Variants in MAPK6 observed in about 807,000 individuals in gnomAD.
MAPK6 encodes the protein ERK-3.
A neutral mutation model predicts 59.3 loss-of-function variants in MAPK6; 19 were observed. That is an observed-to-expected ratio of 0.32 (90% CI 0.22 to 0.47). MAPK6 has a LOEUF of 0.47. Ranked by LOEUF, MAPK6 falls within the 20% of genes least tolerant of loss-of-function variation. The pLI is 1.00. For synonymous variants in MAPK6, 316 were observed against 290.3 expected (o/e 1.09, Z -0.90); for missense variants, 724 against 847.9 (o/e 0.85, Z 1.81).
chr15:52,064,672 T>G lies in MAPK6; in HGVS notation c.1838T>G (p.Val613Gly). The G allele has an allele frequency of 1.2e-6, 2 of 1,611,722 alleles. No homozygotes were observed. The highest frequency in any genetic ancestry group is 1.7e-6 in the Non-Finnish European group (2 of 1,179,742). Residue 613 changes from valine to glycine, a missense_variant, in exon 6 of 6, where the codon GTA (valine) becomes GGA (glycine). Transcript: ENST00000261845. ...TTTTTCATAAATCAGTTTTGTGAGG[T>G]AAGGAAGGATGAACAAGTTGAGAAG... ...DCFFINQFCE[V>G]RKDEQVEKEN...
intron 1 of MAPK6, among the ~76,000 whole-genome samples, chr15:52,041,096 C>T (rs1184874971): frequency 6.6e-6 from 1 of 152,184 alleles, no homozygotes; most frequent in South Asian, 2.1e-4. Context: ...TTTATGTTAC[C>T]TTCCTTTTTA....
chr15:51,984,719 TGCTAATTTCATG>T (rs1405665186), intron 2 of MAPK6, among the ~76,000 whole-genome samples: 1 of 152,010 alleles, frequency 6.6e-6, no homozygotes, highest in Non-Finnish European at 1.5e-5. Context: ...ATGTGGTGTT[TGCTAATTTCATG>T]GTGCAAATAT....
intron 1 of MAPK6, among the ~76,000 whole-genome samples, chr15:51,981,871 A>G (rs898480949): frequency 6.6e-6 from 1 of 152,176 alleles, no homozygotes; most frequent in African/African-American, 2.4e-5. Context: ...ATATCAAAGA[A>G]ACTGAAAATG....
intron 1 of MAPK6, among the ~76,000 whole-genome samples, chr15:52,030,300 G>C (rs184758559): frequency 6.6e-6 from 1 of 152,112 alleles, no homozygotes; most frequent in African/African-American, 2.4e-5. Flanking sequence ...CGAGCTCTTC[G>C]GAAGCAGAAG....
intron 3 of MAPK6, among the ~76,000 whole-genome samples, chr15:52,056,277 C>T (rs187394853): frequency 2.6e-5 from 4 of 152,332 alleles, no homozygotes; most frequent in East Asian, 3.9e-4. Context: ...ACTTCTATCT[C>T]TTGCATCTTC....
Position 52,066,636 on chromosome 15 carries a change from C to T in MAPK6, c.*1636C>T, listed in dbSNP as rs939397851. The T allele has an allele frequency of 6.6e-6, 1 of 152,034 alleles. No individual in the cohort carries two copies. The highest frequency in any genetic ancestry group is 2.4e-5 in the African/African-American group (1 of 41,406). The allele number at this position is 152,034 out of a possible 1,614,324, so 9.4% of individuals were successfully genotyped here. Reference sequence around the variant, plus strand: ...AATATCTGCCCACCTACCTTCTCAACAACTCCATCCTCTTCACCTCACTTT... The same window carrying T: ...AATATCTGCCCACCTACCTTCTCAATAACTCCATCCTCTTCACCTCACTTT... On this transcript the variant is annotated 3_prime_UTR_variant, in exon 6 of 6. Transcript: ENST00000261845.
At chr15:51,973,406 A>G (rs1486617257) in intron 1 of MAPK6, among the ~76,000 whole-genome samples, 1 of 151,930 alleles carries the variant, frequency 6.6e-6, no homozygotes, top group Non-Finnish European at 1.5e-5. Flanking sequence ...CAGTGGCGCC[A>G]TCATAGCTCA....
intron 1 of MAPK6, among the ~76,000 whole-genome samples, chr15:51,979,775 C>T (rs1343181887): frequency 6.6e-6 from 1 of 151,594 alleles, no homozygotes; most frequent in East Asian, 1.9e-4. Context: ...GCCTGGGTGA[C>T]AAAGTGAGAC....
chr15:52,025,066 C>T (rs569455826), intron 1 of MAPK6, among the ~76,000 whole-genome samples: 3 of 151,846 alleles, frequency 2.0e-5, no homozygotes, highest in African/African-American at 7.3e-5. Context: ...CATAGTGAGA[C>T]CCTGTCTCTA....
At chr15:52,007,166 G>C (rs2029909736) in intron 3 of MAPK6, among the ~76,000 whole-genome samples, 1 of 152,132 alleles carries the variant, frequency 6.6e-6, no homozygotes, top group Non-Finnish European at 1.5e-5. Flanking sequence ...ATTATAGGAA[G>C]TGCTGCTCCC....
At chr15:52,055,510 G>GGTTTTTTT (rs1224048179) in intron 3 of MAPK6, among the ~76,000 whole-genome samples, 1 of 151,992 alleles carries the variant, frequency 6.6e-6, no homozygotes, top group Non-Finnish European at 1.5e-5. Context: ...TTATACAAAG[G>GGTTTTTTT]GTTTTTTTGT....
In MAPK6 at chr15:52,009,436, G is replaced by T. The variant is rs1403853728; in HGVS notation, c.-632+5034G>T. Reference sequence around the variant, plus strand: ...CAGAATGCAAATAAGAAAACCTTTGGACTAAATTTCCCTGAAGCCAGAAAG... The same window carrying T: ...CAGAATGCAAATAAGAAAACCTTTGTACTAAATTTCCCTGAAGCCAGAAAG... On this transcript the variant is annotated intron_variant, in intron 3 of 7. Transcript: ENST00000691380. 3.3e-5 allele frequency among the ~76,000 whole-genome samples: 5 copies of T among 152,166 alleles called. No homozygotes were observed. The East Asian group carries it at 9.6e-4, about 29-fold the overall frequency.
rs1426770347 is a variant in MAPK6 at position 51,974,681 on chromosome 15, A to AAAAG, written c.-880+2775_-880+2776insAAAG. On this transcript the variant is annotated intron_variant, in intron 1 of 7. Transcript: ENST00000691380. ...CTCAAAAAAAAAAAAAAAAAAAAAA[A>AAAAG]GATGATCTTGACATTTGTTCCTAGG... Among the ~76,000 whole-genome samples the AAAAG allele has an allele frequency of 4.1e-4, 52 of 126,920 alleles. 5 individuals are homozygous for AAAAG. Among genetic ancestry groups the AAAAG allele is most frequent in the African/African-American group, 1.3e-3 (43 of 33,854 alleles). The allele number at this position is 126,920 out of a possible 152,430, so 83.3% of individuals were successfully genotyped here. A position where few individuals can be genotyped will look rare whatever the true frequency, so the allele number is the denominator to read the frequency against.
rs2032395973 is a variant in MAPK6, at chr15:52,065,739, AAT to A, written c.*743_*744del. ...ACTTAGTTTTTAAAATTTATTTGCA[AAT>A]ATACTTTACTTTTTCCATTTGGCAC... is the stretch of plus-strand genomic sequence containing the variant. On this transcript the variant is annotated 3_prime_UTR_variant, in exon 6 of 6. Coordinates refer to ENST00000261845, the MANE Select transcript of MAPK6 (RefSeq NM_002748.4). 4 of 45,442 alleles carry A rather than the reference AAT, an allele frequency of 8.8e-5. No individual in the cohort carries two copies. The highest frequency in any genetic ancestry group is 3.5e-4 in the South Asian group (1 of 2,898). The allele number at this position is 45,442 out of a possible 1,614,324, so 2.8% of individuals were successfully genotyped here. A position where few individuals can be genotyped will look rare whatever the true frequency, so the allele number is the denominator to read the frequency against.
intron 2 of MAPK6, among the ~76,000 whole-genome samples, chr15:51,986,965 T>C (rs2057192780): frequency 6.6e-6 from 1 of 152,190 alleles, no homozygotes; most frequent in African/African-American, 2.4e-5. Context: ...TCTTAAAATA[T>C]GGCTTCTATT....
At chr15:52,004,131 G>C (rs1367913802) in intron 2 of MAPK6, 1 of 152,212 alleles carries the variant, frequency 6.6e-6, no homozygotes, top group Non-Finnish European at 1.5e-5. Context: ...CTGGGATGAA[G>C]ATTATTTTTA....
intron 3 of MAPK6, among the ~76,000 whole-genome samples, chr15:52,055,662 C>T (rs1220009516): frequency 6.6e-6 from 1 of 152,076 alleles, no homozygotes; most frequent in Non-Finnish European, 1.5e-5. Context: ...ACTATAGGTG[C>T]ATGCCTCCAT....
chr15:52,058,568 G>A, intron 3 of MAPK6, 65 bp from the exon 4 acceptor site: 1 of 1,309,982 alleles, frequency 7.6e-7, no homozygotes, highest in Non-Finnish European at 1.0e-6. Context: ...AATTAGTTTA[G>A]TATGTTTATT....
At chr15:52,000,995 C>T (rs958341863) in intron 2 of MAPK6, among the ~76,000 whole-genome samples, 1 of 152,062 alleles carries the variant, frequency 6.6e-6, no homozygotes, top group East Asian at 1.9e-4. Flanking sequence ...AATCCATTGC[C>T]CATTGCTATG....
Sources: allele counts gnomAD v4.1 joint callset (sites outside exome capture counted in the v4.1 genomes callset), GRCh38; gene constraint gnomAD v4.1.1; transcripts MANE v1.5; gene names NCBI Gene and HGNC (gene_info 2026-07-23, HGNC 2026-07-21).